Variants in DIXDC1 observed in about 807,000 individuals in gnomAD.
DIXDC1 encodes dixin.
In DIXDC1, 64 loss-of-function variants were observed where a neutral mutation model predicts 103.1. That is an observed-to-expected ratio of 0.62 (90% CI 0.51 to 0.76). The LOEUF is 0.76. Ranked by LOEUF, DIXDC1 falls within the 30% of genes least tolerant of loss-of-function variation. The pLI is 0.00. For missense variants in DIXDC1, 759 were observed against 834.2 expected, an observed-to-expected ratio of 0.91 and a Z score of 1.11; for synonymous variants, 266 against 298.5, an observed-to-expected ratio of 0.89 and a Z score of 1.12.
intron 3 of DIXDC1, among the ~76,000 whole-genome samples, chr11:111,969,657 GT>G (rs1859848529): frequency 6.6e-6 from 1 of 152,158 alleles, no homozygotes; most frequent in South Asian, 2.1e-4. Context: ...TATAGACCTG[GT>G]TTTGTTTCAG....
In DIXDC1 at chr11:111,958,356, G is replaced by A. The variant is rs185812082; in HGVS notation, c.61-6193G>A. 2.2e-3 allele frequency among the ~76,000 whole-genome samples: 328 copies of A among 152,308 alleles called. 6 individuals carry two copies. The South Asian group carries it at 0.03, about 14-fold the overall frequency. The stretch of plus-strand genomic sequence containing the variant: ...CCCAGGCATCGCTGCACTCTCAGGG[G>A]CTAGGCTTGGAAATGCTTGCTCCTG... On this transcript the variant is annotated intron_variant, in intron 1 of 19. Transcript: ENST00000440460. This position sits in a 1 kb window ranked among gnomAD's most constrained non-coding sequence, Gnocchi z 4.2.
chr11:111,973,820 C>G (rs979836154), intron 3 of DIXDC1, among the ~76,000 whole-genome samples: 2 of 152,216 alleles, frequency 1.3e-5, no homozygotes, highest in African/African-American at 4.8e-5. Flanking sequence ...CTTCTCTTAT[C>G]AAAACACATG....
rs587759886 is a variant in DIXDC1, at chr11:111,955,048, T to A, written c.61-9501T>A. On this transcript the variant is annotated intron_variant, in intron 1 of 19. Coordinates refer to ENST00000440460, the MANE Select transcript of DIXDC1 (RefSeq NM_001037954.4). ...TACTGAGAGGACCTAGAATATTACC[T>A]CGGTAGCAGTGAGCACACCTATCAC... Among the ~76,000 whole-genome samples the A allele has an allele frequency of 2.6e-5, 4 of 152,192 alleles. No homozygotes were observed. The South Asian group carries it at 8.3e-4, about 32-fold the overall frequency.
At chr11:111,932,204 T>A (rs1966045724) in intron 2 of DIXDC1, among the ~76,000 whole-genome samples, 1 of 150,446 alleles carries the variant, frequency 6.6e-6, no homozygotes, top group Non-Finnish European at 1.5e-5. Context: ...CTAATTTTTT[T>A]ATTTTTTATT....
At chr11:112,009,113 G>A (rs1327984625) in intron 17 of DIXDC1, among the ~76,000 whole-genome samples, 2 of 152,058 alleles carry the variant, frequency 1.3e-5, no homozygotes, top group Non-Finnish European at 2.9e-5. Flanking sequence ...AATAAAAAAT[G>A]ATAAAGGGGA....
intron 14 of DIXDC1, among the ~76,000 whole-genome samples, chr11:111,994,616 ATGTG>A (rs1213309646): frequency 6.6e-6 from 1 of 151,322 alleles, no homozygotes. Flanking sequence ...ATGTATATGT[ATGTG>A]TATATATATG....
At chr11:111,993,645 T>G in intron 13 of DIXDC1, 24 bp from the exon 14 acceptor site, 1 of 1,614,034 alleles carries the variant, frequency 6.2e-7, no homozygotes, top group Non-Finnish European at 8.5e-7. Context: ...GAAATCATTT[T>G]CTGATTTAGT....
chr11:112,009,169 C>G (rs1180176695), intron 17 of DIXDC1, among the ~76,000 whole-genome samples: 1 of 152,116 alleles, frequency 6.6e-6, no homozygotes, highest in Non-Finnish European at 1.5e-5. Flanking sequence ...TCAGAGAATA[C>G]TATAAACACC....
Position 111,996,124 on chromosome 11 carries a change from G to A in DIXDC1, c.1734G>A (p.Arg578=), listed in dbSNP as rs1860891573. ...SPRTQVGSEY[R]ESWPPNSKLP... is the part of the protein sequence containing the mutation. ...GAACTCAAGTAGGTAGTGAATACCG[G>A]GAGTCCTGGCCCCCTAACTCAAGTA... is the stretch of plus-strand genomic sequence containing the variant. Residue 578 remains arginine, a synonymous_variant, in exon 17 of 20, where the codon CGG becomes CGA. Coordinates refer to ENST00000440460, the MANE Select transcript of DIXDC1 (RefSeq NM_001037954.4). 3 of 1,613,680 alleles carry A rather than the reference G, an allele frequency of 1.9e-6. No homozygotes were observed. The highest frequency in any genetic ancestry group is 2.2e-5 in the East Asian group (1 of 44,880).
intron 17 of DIXDC1, among the ~76,000 whole-genome samples, chr11:112,000,170 A>T (rs1451124614): frequency 6.6e-6 from 1 of 151,940 alleles, no homozygotes; most frequent in African/African-American, 2.4e-5. Context: ...AAATAAATAG[A>T]TAAAAGATAA....
chr11:111,953,237 C>T (rs1259379263), intron 1 of DIXDC1, among the ~76,000 whole-genome samples: 1 of 152,030 alleles, frequency 6.6e-6, no homozygotes, highest in East Asian at 1.9e-4. Context: ...CGGAGAGGTA[C>T]ATGGGAATGC....
In DIXDC1 at chr11:111,977,461, G is replaced by C. The variant is rs1555172738; in HGVS notation, c.656+2478G>C. On this transcript the variant is annotated intron_variant, in intron 5 of 19. Transcript: ENST00000440460. The surrounding 1 kb of genome is among the most constrained non-coding windows in gnomAD (Gnocchi z 6.1). The stretch of plus-strand genomic sequence containing the variant: ...CGTCCGCGGAGGCCAAGATGCAGCG[G>C]CCAGGGGCCGGCAGCCTGCGAGGGG... 1.6e-6 allele frequency: 2 copies of C among 1,282,348 alleles called. No individual in the cohort carries two copies. The highest frequency in any genetic ancestry group is 3.2e-5 in the African/African-American group (2 of 62,902). 79.4% of individuals were successfully genotyped at this position (1,282,348 alleles called of 1,614,324 possible). A position where few individuals can be genotyped will look rare whatever the true frequency, so the allele number is the denominator to read the frequency against.
In DIXDC1 at chr11:111,977,405, G is replaced by GC. The variant is rs1190959980; in HGVS notation, c.656+2427dup. 8.8e-7 allele frequency: 1 copy of GC among 1,139,568 alleles called. No homozygotes were observed. The highest frequency in any genetic ancestry group is 1.1e-6 in the Non-Finnish European group (1 of 926,984). 70.6% of individuals were successfully genotyped at this position (1,139,568 alleles called of 1,614,324 possible). A position where few individuals can be genotyped will look rare whatever the true frequency, so the allele number is the denominator to read the frequency against. ...CTCCCAGTGGGAGATGGGTTGAGAT[G>GC]CCCCCGCCAGGGGGGATGCCCGGCA... On this transcript the variant is annotated intron_variant, in intron 5 of 19. Coordinates refer to ENST00000440460, the MANE Select transcript of DIXDC1 (RefSeq NM_001037954.4). This position sits in a 1 kb window ranked among gnomAD's most constrained non-coding sequence, Gnocchi z 6.1.
At chr11:111,985,544 A>G (rs748980550) in intron 8 of DIXDC1, among the ~76,000 whole-genome samples, 18 of 152,260 alleles carry the variant, frequency 1.2e-4, no homozygotes, top group Non-Finnish European at 1.9e-4. Context: ...TGCTGGAGAT[A>G]TGGTAGTAAC....
chr11:111,995,368 G>A lies in DIXDC1; in HGVS notation c.1528-35G>A, dbSNP rs782317017. The A allele has an allele frequency of 1.9e-5, 30 of 1,605,472 alleles. No homozygotes were observed. The Admixed American group carries it at 3.2e-4, about 17-fold the overall frequency. On this transcript the variant is annotated intron_variant, in intron 15 of 19. Coordinates refer to ENST00000440460, the MANE Select transcript of DIXDC1 (RefSeq NM_001037954.4). Reference sequence around the variant, plus strand: ...AGCCCAGTGGTTGGGAAGTGGCACCGTGCCATGCCAGCAACACCTTATTTT... The same window carrying A: ...AGCCCAGTGGTTGGGAAGTGGCACCATGCCATGCCAGCAACACCTTATTTT...
chr11:111,940,612 T>C (rs1234300438), intron 1 of DIXDC1, among the ~76,000 whole-genome samples: 9 of 152,154 alleles, frequency 5.9e-5, no homozygotes, highest in African/African-American at 1.9e-4. Flanking sequence ...TATAATACGG[T>C]TTGGGTAATA....
At chr11:111,982,806 T>C (rs1555173403) in intron 7 of DIXDC1, among the ~76,000 whole-genome samples, 1 of 152,226 alleles carries the variant, frequency 6.6e-6, no homozygotes, top group Non-Finnish European at 1.5e-5. Flanking sequence ...AGACCTGCAA[T>C]TGCAGCTTTC....
chr11:112,019,091 C>G lies in DIXDC1; in HGVS notation c.*55C>G. ...ACCTGGTCACTCCCTGGCTGCTTCA[C>G]TCAGGAAAGGGAACTAAAACCAGAA... On this transcript the variant is annotated 3_prime_UTR_variant, in exon 20 of 20. Transcript: ENST00000440460. 2 of 1,493,942 alleles carry G rather than the reference C, an allele frequency of 1.3e-6. No homozygotes were observed. The highest frequency in any genetic ancestry group is 1.9e-6 in the Non-Finnish European group (2 of 1,081,026). The allele number at this position is 1,493,942 out of a possible 1,614,324, so 92.5% of individuals were successfully genotyped here. A position where few individuals can be genotyped will look rare whatever the true frequency, so the allele number is the denominator to read the frequency against.
chr11:111,984,935 ATGTGT>A (rs1487951102), intron 7 of DIXDC1, among the ~76,000 whole-genome samples: 3 of 152,152 alleles, frequency 2.0e-5, no homozygotes, highest in African/African-American at 7.2e-5. Context: ...CCAGTTTGAA[ATGTGT>A]TGTGTCTCTT....
Sources: allele counts gnomAD v4.1 joint callset (sites outside exome capture counted in the v4.1 genomes callset), GRCh38; gene constraint gnomAD v4.1.1; non-coding constraint Gnocchi (gnomAD v3.1); transcripts MANE v1.5; gene names NCBI Gene and HGNC (gene_info 2026-07-23, HGNC 2026-07-21).